The following KCNMA1 variants were observed in gnomAD, a reference collection of about 807,000 sequenced individuals.
KCNMA1 encodes Calcium-activated potassium channel subunit alpha-1.
In KCNMA1, 29 loss-of-function variants were observed where a neutral mutation model predicts 140.0. The observed-to-expected ratio is 0.21, with a 90% confidence interval of 0.15 to 0.28. The LOEUF (loss-of-function observed/expected upper bound fraction) is 0.28. Ranked by LOEUF, KCNMA1 falls within the 10% of genes least tolerant of loss-of-function variation. KCNMA1 has a pLI of 1.00. For missense variants in KCNMA1, 880 were observed against 1,602.2 expected (o/e 0.55, Z 7.70); for synonymous variants, 612 against 611.9 (o/e 1.00, Z 0.00).
chr10:76,961,125 A>G lies in KCNMA1; in HGVS notation c.2361-7201T>C, dbSNP rs968417817. Among the ~76,000 whole-genome samples, 3 of 151,208 alleles carry G rather than the reference A, an allele frequency of 2.0e-5. No individual in the cohort carries two copies. In the East Asian group the frequency reaches 5.8e-4, roughly 29 times the overall value. ...TGATGAATCTGGGCAAAATAAATTG[A>G]AAAACTTCTGAAAAAGAATCGCCAT... On this transcript the variant is annotated intron_variant, in intron 20 of 27. Transcript: ENST00000286628.
intron 23 of KCNMA1, 79 bp downstream of exon 23, chr10:76,944,694 T>C: frequency 1.5e-6 from 2 of 1,346,248 alleles, no homozygotes; most frequent in Non-Finnish European, 2.1e-6. Flanking sequence ...CCTCTTTGAA[T>C]TACTGAGTGA....
intron 2 of KCNMA1, among the ~76,000 whole-genome samples, chr10:77,306,472 C>A (rs989252962): frequency 6.6e-6 from 1 of 152,182 alleles, no homozygotes. Flanking sequence ...TAGAGCCCAG[C>A]TGTTTGCTGC....
intron 1 of KCNMA1, among the ~76,000 whole-genome samples, chr10:77,567,517 T>G (rs1041999326): frequency 6.6e-6 from 1 of 152,214 alleles, no homozygotes; most frequent in African/African-American, 2.4e-5. Flanking sequence ...GCTGATTTAA[T>G]TAAACGAGAA....
At chr10:77,251,755 G>C (rs1381967687) in intron 2 of KCNMA1, among the ~76,000 whole-genome samples, 1 of 152,148 alleles carries the variant, frequency 6.6e-6, no homozygotes. Flanking sequence ...ACTAAGTTAT[G>C]CAATCATCAC....
At chr10:76,913,552 G>GAA (rs1564868239) in intron 24 of KCNMA1, 4 of 144,224 alleles carry the variant, frequency 2.8e-5, no homozygotes, top group African/African-American at 5.1e-5. Flanking sequence ...CTAGTAGGGG[G>GAA]GAAAAAAAAA....
intron 2 of KCNMA1, among the ~76,000 whole-genome samples, chr10:77,273,739 A>G (rs1238949946): frequency 6.6e-6 from 1 of 152,184 alleles, no homozygotes; most frequent in Admixed American, 6.5e-5. Flanking sequence ...AATCATGGAT[A>G]GAATTTGGAG....
chr10:77,500,724 G>A (rs1472117185), intron 1 of KCNMA1, among the ~76,000 whole-genome samples: 1 of 152,174 alleles, frequency 6.6e-6, no homozygotes, highest in African/African-American at 2.4e-5. Flanking sequence ...AGTAGCAGTA[G>A]AGGAGTTTAC....
chr10:77,107,562 C>G (rs1030647016), intron 9 of KCNMA1, among the ~76,000 whole-genome samples: 9 of 152,204 alleles, frequency 5.9e-5, no homozygotes, highest in Admixed American at 5.9e-4. Flanking sequence ...GTACTGCCCT[C>G]TACTTAGGAA....
rs1398900464 is a variant in KCNMA1, at chr10:77,083,502, A to T, written c.1523+1135T>A. ...GTATGACCTCCCCTAGATGTTCTGTAAAAAAAAAAAAAAAAAAAAAAGGGA... is the reference window on the plus strand; with the variant it reads ...GTATGACCTCCCCTAGATGTTCTGTTAAAAAAAAAAAAAAAAAAAAAGGGA... On this transcript the variant is annotated intron_variant, in intron 12 of 27. Coordinates refer to ENST00000286628, the MANE Select transcript of KCNMA1 (RefSeq NM_001161352.2). 2.9e-3 allele frequency among the ~76,000 whole-genome samples: 219 copies of T among 74,434 alleles called. 1 individual carries two copies. The highest frequency in any genetic ancestry group is 9.4e-3 in the African/African-American group (205 of 21,862). The allele number at this position is 74,434 out of a possible 152,430, so 48.8% of individuals were successfully genotyped here. A position where few individuals can be genotyped will look rare whatever the true frequency, so the allele number is the denominator to read the frequency against.
chr10:77,501,204 A>C (rs2043761506), intron 1 of KCNMA1, among the ~76,000 whole-genome samples: 1 of 152,244 alleles, frequency 6.6e-6, no homozygotes, highest in Non-Finnish European at 1.5e-5. Context: ...GAAGAAGAAT[A>C]GTGCCTCCTC....
At chr10:77,453,659 G>C (rs1425940456) in intron 1 of KCNMA1, among the ~76,000 whole-genome samples, 1 of 152,126 alleles carries the variant, frequency 6.6e-6, no homozygotes, top group Non-Finnish European at 1.5e-5. Context: ...GGAGATGAAG[G>C]CTGGATTCCA....
At chr10:77,380,747 C>G (rs2095354399) in intron 2 of KCNMA1, among the ~76,000 whole-genome samples, 1 of 152,190 alleles carries the variant, frequency 6.6e-6, no homozygotes, top group African/African-American at 2.4e-5. Flanking sequence ...CATCCCTTCC[C>G]CTGAAAAATC....
At chr10:77,384,848 T>C (rs2095546916) in intron 2 of KCNMA1, among the ~76,000 whole-genome samples, 1 of 152,222 alleles carries the variant, frequency 6.6e-6, no homozygotes, top group African/African-American at 2.4e-5. Context: ...ATTCATTCTT[T>C]CCTATGCCCA....
At chr10:77,558,940 T>C (rs1192553131) in intron 1 of KCNMA1, among the ~76,000 whole-genome samples, 1 of 152,162 alleles carries the variant, frequency 6.6e-6, no homozygotes, top group Non-Finnish European at 1.5e-5. Flanking sequence ...CTATACACCT[T>C]AGTGTAGAGC....
intron 2 of KCNMA1, among the ~76,000 whole-genome samples, chr10:77,306,505 T>C (rs1252533973): frequency 6.6e-6 from 1 of 152,106 alleles, no homozygotes; most frequent in Non-Finnish European, 1.5e-5. Flanking sequence ...GCCACATGAG[T>C]ATCAAATAAA....
At chr10:77,631,664 C>T (rs1198343277) in intron 1 of KCNMA1, among the ~76,000 whole-genome samples, 1 of 152,182 alleles carries the variant, frequency 6.6e-6, no homozygotes, top group Non-Finnish European at 1.5e-5. Flanking sequence ...GAGACAGCCC[C>T]AAAGCAAGCA....
intron 1 of KCNMA1, among the ~76,000 whole-genome samples, chr10:77,447,686 G>A (rs1260751462): frequency 6.6e-6 from 1 of 152,172 alleles, no homozygotes. Flanking sequence ...CCTCACCTGA[G>A]AGGTTTTGGA....
At chr10:77,613,612 CCTCTGTG>C (rs1341702143) in intron 1 of KCNMA1, among the ~76,000 whole-genome samples, 1 of 152,214 alleles carries the variant, frequency 6.6e-6, no homozygotes, top group Non-Finnish European at 1.5e-5. Context: ...CCATGATTCA[CCTCTGTG>C]CTGTTATTTC....
chr10:77,253,673 C>A (rs10824505), intron 2 of KCNMA1, among the ~76,000 whole-genome samples: 4,275 of 152,128 alleles, frequency 0.028, 207 homozygotes, highest in East Asian at 0.22. Context: ...CTCCACAGCT[C>A]CCTGGCCCTG....
Sources: allele counts gnomAD v4.1 joint callset (sites outside exome capture counted in the v4.1 genomes callset), GRCh38; gene constraint gnomAD v4.1.1; transcripts MANE v1.5; gene names NCBI Gene and HGNC (gene_info 2026-07-23, HGNC 2026-07-21).